Variants in WNT10A observed in about 807,000 individuals in gnomAD.
WNT10A encodes Wnt family member 10A.
Under a neutral mutation model 36.1 loss-of-function variants are expected in WNT10A, and 37 were observed. The ratio of observed to expected loss-of-function variants is 1.02; its 90% CI spans 0.79 to 1.35. WNT10A has a LOEUF of 1.35. Ranked by LOEUF, WNT10A falls within the 40% of genes most tolerant of loss-of-function variation. The pLI, the probability that WNT10A is intolerant of heterozygous loss-of-function variation, is 0.00. For missense variants in WNT10A, 613 were observed against 601.4 expected, an observed-to-expected ratio of 1.02 and a Z score of -0.20; for synonymous variants, 255 against 254.1, an observed-to-expected ratio of 1.00 and a Z score of -0.03.
chr2:218,891,264 C>T (rs958181649), intron 3 of WNT10A, among the ~76,000 whole-genome samples: 2 of 152,194 alleles, frequency 1.3e-5, no homozygotes, highest in Admixed American at 6.5e-5. Context: ...AGCGTTGAGT[C>T]CACATTCTGA....
Position 218,893,421 on chromosome 2 carries a change from T to G in WNT10A, c.*150T>G. Reference sequence around the variant, plus strand: ...TTATAGGAACCCCTCAGCTCTGAGGTCTGTGATCGCCGGACAGTCCAGGCC... The same window carrying G: ...TTATAGGAACCCCTCAGCTCTGAGGGCTGTGATCGCCGGACAGTCCAGGCC... On this transcript the variant is annotated 3_prime_UTR_variant, in exon 4 of 4. Transcript: ENST00000258411. The surrounding 1 kb of genome is among the most constrained non-coding windows in gnomAD (Gnocchi z 6.3). The G allele has an allele frequency of 8.6e-7, 1 of 1,162,558 alleles. No homozygotes were observed. Among genetic ancestry groups the G allele is most frequent in the African/African-American group, 1.6e-5 (1 of 64,330 alleles). 72.0% of individuals were successfully genotyped at this position (1,162,558 alleles called of 1,614,324 possible). A position where few individuals can be genotyped will look rare whatever the true frequency, so the allele number is the denominator to read the frequency against.
chr2:218,876,617 C>A (rs1944455459), upstream of WNT10A, among the ~76,000 whole-genome samples: 1 of 152,190 alleles, frequency 6.6e-6, no homozygotes, highest in Non-Finnish European at 1.5e-5. Context: ...ACTCTGTTAA[C>A]TTACCAAAGG....
At position 218,893,284 on chromosome 2, in the gene WNT10A, C is replaced by G; in HGVS notation, c.*13C>G. ...CGTCTGCAAGTGAGCGGCCCGGGGT[C>G]CCCTGGGCCCTGATCGAGGTCCCCT... On this transcript the variant is annotated 3_prime_UTR_variant, in exon 4 of 4. Transcript: ENST00000258411. The surrounding 1 kb of genome is among the most constrained non-coding windows in gnomAD (Gnocchi z 6.3). 1 of 1,540,082 alleles carries G rather than the reference C, an allele frequency of 6.5e-7. No individual in the cohort carries two copies. The highest frequency in any genetic ancestry group is 8.7e-7 in the Non-Finnish European group (1 of 1,148,522).
At chr2:218,885,154 G>A (rs1310825714) in intron 2 of WNT10A, among the ~76,000 whole-genome samples, 2 of 152,210 alleles carry the variant, frequency 1.3e-5, no homozygotes, top group South Asian at 4.1e-4. Flanking sequence ...GAGGGGATGA[G>A]GGGGTGCTGG....
intron 3 of WNT10A, among the ~76,000 whole-genome samples, chr2:218,892,033 C>CA (rs1337681873): frequency 6.6e-6 from 1 of 152,104 alleles, no homozygotes. Flanking sequence ...TCTCCACTTT[C>CA]ACTGAGCTGG....
At chr2:218,892,522 A>G (rs1025366328) in intron 3 of WNT10A, among the ~76,000 whole-genome samples, 2 of 152,034 alleles carry the variant, frequency 1.3e-5, no homozygotes, top group African/African-American at 4.8e-5. Context: ...GGCGGGCAGG[A>G]GAGGAGGGGA....
At chr2:218,892,119 C>T (rs1186581875) in intron 3 of WNT10A, among the ~76,000 whole-genome samples, 4 of 152,008 alleles carry the variant, frequency 2.6e-5, no homozygotes, top group East Asian at 1.9e-4. Context: ...TTTCCTAGGA[C>T]GAACCATGGG....
chr2:218,885,318 T>C (rs1415871585), intron 2 of WNT10A, among the ~76,000 whole-genome samples: 1 of 152,192 alleles, frequency 6.6e-6, no homozygotes, highest in African/African-American at 2.4e-5. Context: ...GCCCCAGCTT[T>C]TTGTGCTAAG....
chr2:218,877,765 T>G (rs949379274), upstream of WNT10A, among the ~76,000 whole-genome samples: 1 of 152,200 alleles, frequency 6.6e-6, no homozygotes, highest in African/African-American at 2.4e-5. The surrounding 1 kb of genome is among the most constrained non-coding windows in gnomAD (Gnocchi z 4.1). Context: ...TTGGGGAGAC[T>G]GCAGCAGCAA....
rs769060275 is a variant in WNT10A, at chr2:218,893,030, A to G, written c.1013A>G (p.Tyr338Cys). Residue 338 changes from tyrosine to cysteine, a missense_variant, in exon 4 of 4, where the codon TAC becomes TGC. Coordinates refer to ENST00000258411, the MANE Select transcript of WNT10A (RefSeq NM_025216.3). The surrounding 1 kb of genome is among the most constrained non-coding windows in gnomAD (Gnocchi z 6.3). The part of the protein sequence containing the change: ...RRRASPADLV[Y>C]FEKSPDFCER... ...CGGGCCAGCCCCGCCGACCTGGTCT[A>G]CTTCGAAAAGTCTCCCGACTTCTGC... 2.5e-6 allele frequency: 4 copies of G among 1,595,140 alleles called. No individual in the cohort carries two copies. The highest frequency in any genetic ancestry group is 3.4e-6 in the Non-Finnish European group (4 of 1,178,688).
intron 3 of WNT10A, 69 bp from the exon 4 acceptor site, chr2:218,892,705 C>A: frequency 6.5e-7 from 1 of 1,543,426 alleles, no homozygotes; most frequent in Admixed American, 2.0e-5. Flanking sequence ...CAGAAGCAGG[C>A]CAGGCTAAGC....
At chr2:218,891,845 CAG>C (rs750088397) in intron 3 of WNT10A, among the ~76,000 whole-genome samples, 4 of 152,162 alleles carry the variant, frequency 2.6e-5, no homozygotes, top group Non-Finnish European at 5.9e-5. Flanking sequence ...GTCCCTGTCT[CAG>C]GGTGTGTTTT....
Position 218,880,925 on chromosome 2 carries a change from C to T in WNT10A, c.-71C>T, listed in dbSNP as rs1033361823. The T allele has an allele frequency of 2.0e-6, 3 of 1,473,588 alleles. No homozygotes were observed. Among genetic ancestry groups the T allele is most frequent in the Non-Finnish European group, 2.7e-6 (3 of 1,116,564 alleles). 91.3% of individuals were successfully genotyped at this position (1,473,588 alleles called of 1,614,324 possible). ...CCCCGACCCCCCGCCGATCATGCGC[C>T]GGCGCCCCTGGCTCTCCAGTCCCAC... On this transcript the variant is annotated 5_prime_UTR_variant, in exon 1 of 4. Coordinates refer to ENST00000258411, the MANE Select transcript of WNT10A (RefSeq NM_025216.3). This position sits in a 1 kb window ranked among gnomAD's most constrained non-coding sequence, Gnocchi z 7.7.
At chr2:218,888,917 T>C (rs1944613561) in intron 2 of WNT10A, among the ~76,000 whole-genome samples, 1 of 150,006 alleles carries the variant, frequency 6.7e-6, no homozygotes. Context: ...GAAATATCAT[T>C]TTATTTATTT....
Position 218,893,184 on chromosome 2 carries a change from C to T in WNT10A, c.1167C>T (p.Ser389=). The change falls in exon 4 of 4, where the codon AGC becomes AGT. Residue 389 remains serine, a synonymous_variant. Transcript: ENST00000258411. The surrounding 1 kb of genome is among the most constrained non-coding windows in gnomAD (Gnocchi z 6.3). ...RGHNILRQTR[S]ERCHCRFHWC... ...ACAACATCCTGCGCCAGACGCGCAG[C>T]GAGCGCTGCCACTGCCGCTTCCACT... 1 of 1,579,970 alleles carries T rather than the reference C, an allele frequency of 6.3e-7. No individual in the cohort carries two copies. Among genetic ancestry groups the T allele is most frequent in the Non-Finnish European group, 8.5e-7 (1 of 1,169,772 alleles).
At chr2:218,890,407 G>C (rs1388792147) in intron 3 of WNT10A, 44 bp downstream of exon 3, 1 of 1,598,722 alleles carries the variant, frequency 6.3e-7, no homozygotes, top group Admixed American at 1.7e-5. Flanking sequence ...TCTTTGCCTA[G>C]GGCCTACCCC....
intron 3 of WNT10A, among the ~76,000 whole-genome samples, 174 bp from the exon 4 acceptor site, chr2:218,892,600 G>A (rs989064212): frequency 3.9e-5 from 6 of 152,212 alleles, no homozygotes; most frequent in Admixed American, 2.0e-4. Flanking sequence ...AGAGGCAGAG[G>A]CAGAAGAGCA....
chr2:218,884,665 T>C (rs1484078282), intron 2 of WNT10A, among the ~76,000 whole-genome samples: 1 of 152,164 alleles, frequency 6.6e-6, no homozygotes, highest in Non-Finnish European at 1.5e-5. Context: ...TTCATCCTCC[T>C]GGGGGGCAGT....
chr2:218,882,511 C>G, intron 2 of WNT10A, 88 bp downstream of exon 2: 1 of 1,539,582 alleles, frequency 6.5e-7, no homozygotes, highest in South Asian at 1.2e-5. Context: ...CCCACTGCCT[C>G]AAGCTGGCAT....
Sources: allele counts gnomAD v4.1 joint callset (sites outside exome capture counted in the v4.1 genomes callset), GRCh38; gene constraint gnomAD v4.1.1; non-coding constraint Gnocchi (gnomAD v3.1); transcripts MANE v1.5; gene names NCBI Gene and HGNC (gene_info 2026-07-23, HGNC 2026-07-21).